The following EML1 variants were observed in gnomAD, a reference collection of about 807,000 sequenced individuals.
The protein encoded by EML1 is EMAP like 1.
EML1 carries 27 observed loss-of-function variants against 110.4 expected under a neutral mutation model. The ratio of observed to expected loss-of-function variants is 0.24; its 90% CI spans 0.18 to 0.34. The LOEUF (loss-of-function observed/expected upper bound fraction) is 0.34, where lower values mean the gene tolerates loss of function less well. EML1 is among the 10% of genes least tolerant of loss of function. The pLI, the probability that EML1 is intolerant of heterozygous loss-of-function variation, is 1.00. For missense variants in EML1, 741 were observed against 1,030.9 expected (o/e 0.72, Z 3.85); for synonymous variants, 344 against 385.8 (o/e 0.89, Z 1.27).
At chr14:99,825,566 A>G (rs139659670) in intron 1 of EML1, among the ~76,000 whole-genome samples, 193 of 152,210 alleles carry the variant, frequency 1.3e-3, no homozygotes, top group African/African-American at 4.5e-3. Context: ...TCTCTGTCCC[A>G]GGCCTTATGT....
chr14:99,914,172 A>C lies in EML1; in HGVS notation c.1495-7A>C, dbSNP rs1278954764. 1.3e-6 allele frequency: 2 copies of C among 1,596,688 alleles called. No individual in the cohort carries two copies. Among genetic ancestry groups the C allele is most frequent in the East Asian group, 2.3e-5 (1 of 44,410 alleles). On this transcript the variant is annotated splice_polypyrimidine_tract_variant and splice_region_variant and intron_variant, in intron 13 of 21. Coordinates refer to ENST00000262233, the MANE Select transcript of EML1 (RefSeq NM_004434.3). Reference sequence around the variant, plus strand: ...ATCTTTTCTTTTCATATGACTTTTCAATGCAGATTCCAGAACAGTTTGGTC... The same window carrying C: ...ATCTTTTCTTTTCATATGACTTTTCCATGCAGATTCCAGAACAGTTTGGTC...
chr14:99,790,357 A>T (rs985261054), upstream of EML1, among the ~76,000 whole-genome samples: 10 of 151,880 alleles, frequency 6.6e-5, no homozygotes, highest in African/African-American at 2.4e-4. Context: ...CCCAGGCTGG[A>T]GTTGAGCATT....
intron 2 of EML1, among the ~76,000 whole-genome samples, chr14:99,865,261 T>C (rs1422085774): frequency 6.6e-6 from 1 of 152,178 alleles, no homozygotes; most frequent in Non-Finnish European, 1.5e-5. Flanking sequence ...CCTAGATCCC[T>C]CGCATGCACA....
At chr14:99,796,553 A>G (rs1009978621) in intron 1 of EML1, among the ~76,000 whole-genome samples, 2 of 147,868 alleles carry the variant, frequency 1.4e-5, no homozygotes, top group South Asian at 2.1e-4. Context: ...GTGCAGTGGC[A>G]TGATCACAGC....
chr14:99,933,296 C>T (rs1481625558), intron 17 of EML1, among the ~76,000 whole-genome samples: 1 of 152,214 alleles, frequency 6.6e-6, no homozygotes, highest in East Asian at 1.9e-4. Context: ...CAGCCTTACC[C>T]TCCCGAGTAG....
At chr14:99,917,632 T>A (rs1242472823) in intron 15 of EML1, 150 bp from the exon 16 acceptor site, 3 of 723,938 alleles carry the variant, frequency 4.1e-6, no homozygotes, top group Non-Finnish European at 6.6e-6. Context: ...AAAACATTTT[T>A]CTCTAGAAAA....
intron 1 of EML1, among the ~76,000 whole-genome samples, chr14:99,821,342 A>G (rs1595339931): frequency 1.3e-5 from 2 of 152,044 alleles, no homozygotes; most frequent in South Asian, 2.1e-4. Context: ...CTGCTTTTAT[A>G]TAGAGCTTTT....
chr14:99,899,178 A>C (rs1595453179), intron 8 of EML1, among the ~76,000 whole-genome samples: 1 of 113,344 alleles, frequency 8.8e-6, no homozygotes, highest in East Asian at 2.9e-4. Flanking sequence ...GTTATTGCAT[A>C]ATATTTTATC....
chr14:99,821,486 C>T (rs2058262032), intron 1 of EML1, among the ~76,000 whole-genome samples: 1 of 152,174 alleles, frequency 6.6e-6, no homozygotes, highest in Non-Finnish European at 1.5e-5. Context: ...GACCGTCTCT[C>T]CCTCCCTTTT....
chr14:99,812,825 T>C (rs1344048175), intron 1 of EML1, among the ~76,000 whole-genome samples: 3 of 152,240 alleles, frequency 2.0e-5, no homozygotes, highest in Non-Finnish European at 4.4e-5. Context: ...CAATTTACTT[T>C]TCTTTAGCTG....
intron 5 of EML1, among the ~76,000 whole-genome samples, chr14:99,893,696 G>T (rs1431960544): frequency 6.6e-6 from 1 of 152,294 alleles, no homozygotes; most frequent in East Asian, 1.9e-4. Context: ...CTGTTGAGTT[G>T]TGTACAGGTA....
At position 99,897,175 on chromosome 14, in the gene EML1, C is replaced by T; in HGVS notation, c.708C>T (p.Asn236=). Residue 236 remains asparagine (N), a synonymous_variant, in exon 7 of 22, where the codon AAC becomes AAT. Coordinates refer to ENST00000262233, the MANE Select transcript of EML1 (RefSeq NM_004434.3). ...VYGYRGRDCR[N]NLYLLPTGET... is the part of the protein sequence containing the mutation. ...GGTACAGGGGTCGAGACTGCCGTAA[C>T]AACCTGTACTTGCTTCCGACGGGAG... 1.2e-6 allele frequency: 2 copies of T among 1,612,096 alleles called. No individual in the cohort carries two copies. The highest frequency in any genetic ancestry group is 1.1e-5 in the South Asian group (1 of 90,734).
intron 6 of EML1, among the ~76,000 whole-genome samples, chr14:99,896,209 G>A (rs971971): frequency 0.31 from 46,446 of 151,894 alleles, 8,071 homozygotes; most frequent in South Asian, 0.49. Context: ...CCTGTTTAAT[G>A]CCAAGCCTGG....
chr14:99,770,612 G>GGCCTC (rs892506636), upstream of EML1, among the ~76,000 whole-genome samples: 2 of 151,706 alleles, frequency 1.3e-5, no homozygotes, highest in African/African-American at 4.8e-5. Context: ...TACCTCCCTG[G>GGCCTC]GCCTCATTTT....
chr14:99,909,198 C>A, intron 10 of EML1, 147 bp from the exon 11 acceptor site: 2 of 1,249,610 alleles, frequency 1.6e-6, no homozygotes, highest in Non-Finnish European at 2.3e-6. Context: ...ATGTTTTTAG[C>A]AAGATGGATT....
Position 99,842,444 on chromosome 14 carries a change from C to T in EML1, c.68-8409C>T, listed in dbSNP as rs148543881. On this transcript the variant is annotated intron_variant, in intron 1 of 21. Coordinates refer to ENST00000262233, the MANE Select transcript of EML1 (RefSeq NM_004434.3). ...TCGTATTCTTCAGATTAATTACCTGCAGAAACAGAAGTAAGAAAATCCATT... is the reference window on the plus strand; with the variant it reads ...TCGTATTCTTCAGATTAATTACCTGTAGAAACAGAAGTAAGAAAATCCATT... Among the ~76,000 whole-genome samples, 12 of 145,036 alleles carry T rather than the reference C, an allele frequency of 8.3e-5. No individual in the cohort carries two copies. The East Asian group carries it at 2.5e-3, about 30-fold the overall frequency.
intron 1 of EML1, among the ~76,000 whole-genome samples, chr14:99,843,961 G>A (rs2058669684): frequency 6.6e-6 from 1 of 152,170 alleles, no homozygotes; most frequent in Non-Finnish European, 1.5e-5. Context: ...CTCTCTCCCA[G>A]TGGCATGACA....
chr14:99,895,395 T>G (rs1036520365), intron 6 of EML1, among the ~76,000 whole-genome samples: 5 of 152,180 alleles, frequency 3.3e-5, no homozygotes, highest in African/African-American at 9.7e-5. Flanking sequence ...TAACAGGAGC[T>G]ATCATATACT....
At position 99,936,364 on chromosome 14, in the gene EML1, C is replaced by G; in HGVS notation, c.2095+30C>G. 1.2e-6 allele frequency: 2 copies of G among 1,600,666 alleles called. No individual in the cohort carries two copies. Among genetic ancestry groups the G allele is most frequent in the East Asian group, 2.2e-5 (1 of 44,820 alleles). On this transcript the variant is annotated intron_variant, in intron 19 of 21. Coordinates refer to ENST00000262233, the MANE Select transcript of EML1 (RefSeq NM_004434.3). The surrounding 1 kb of genome is among the most constrained non-coding windows in gnomAD (Gnocchi z 5.5). ...GTACCACCCCGGGGTTGTATGAAGT[C>G]TCGATCTCAGAAAGCGTTCACTCTG...
Sources: gnomAD v4.1 joint callset for allele counts (sites outside exome capture counted in the v4.1 genomes callset) on GRCh38, gnomAD v4.1.1 for gene constraint, Gnocchi (gnomAD v3.1) non-coding constraint, MANE v1.5 for transcripts, NCBI Gene and HGNC (gene_info 2026-07-23, HGNC 2026-07-21) for gene names.